MACF1: variants seen among roughly 807,000 people sequenced by gnomAD.
MACF1 encodes the protein microtubule-actin cross-linking factor 1.
Under a neutral mutation model 854.8 loss-of-function variants are expected in MACF1, and 193 were observed. That is an observed-to-expected ratio of 0.23 (90% CI 0.20 to 0.25). MACF1 has a LOEUF of 0.25. MACF1 is among the 10% of genes least tolerant of loss of function. The pLI is 1.00. For synonymous variants in MACF1, 3,185 were observed against 3,226.7 expected (o/e 0.99, Z 0.44); for missense variants, 7,722 against 8,929.1 (o/e 0.86, Z 5.45).
At chr1:39,366,943 CTTTT>C (rs138556133) in intron 49 of MACF1, among the ~76,000 whole-genome samples, 3 of 92,970 alleles carry the variant, frequency 3.2e-5, no homozygotes, top group South Asian at 3.3e-4. Context: ...CATGCCTGGC[CTTTT>C]TTTTTTTTTT....
chr1:39,112,777 A>G lies in MACF1; in HGVS notation c.220+28339A>G, dbSNP rs79895704. Among the ~76,000 whole-genome samples, 780 of 152,280 alleles carry G rather than the reference A, an allele frequency of 5.1e-3. 17 individuals carry two copies. The highest frequency in any genetic ancestry group is 0.046 in the East Asian group (236 of 5,182). ...CTAGAAAAGAATTAGCAGTGTTAGT[A>G]TCTAAACTTAATTCCCTGTACCTGC... On this transcript the variant is annotated intron_variant, in intron 2 of 93. Coordinates refer to the MACF1 transcript ENST00000361689.
intron 30 of MACF1, 133 bp from the exon 31 acceptor site, chr1:39,319,531 G>A: frequency 1.7e-6 from 1 of 598,506 alleles, no homozygotes; most frequent in Non-Finnish European, 2.9e-6. Flanking sequence ...CCAGCAGTAT[G>A]TGTTTTAACC....
At chr1:39,195,371 G>C (rs891954262) in intron 2 of MACF1, among the ~76,000 whole-genome samples, 3 of 152,240 alleles carry the variant, frequency 2.0e-5, no homozygotes, top group African/African-American at 7.2e-5. Flanking sequence ...GCAGTTCTCA[G>C]ATCCTCTCAT....
chr1:39,436,999 A>G (rs1174739116), intron 70 of MACF1, among the ~76,000 whole-genome samples: 5 of 152,322 alleles, frequency 3.3e-5, no homozygotes, highest in South Asian at 4.1e-4. Flanking sequence ...CTTTTAAACT[A>G]CAAGTCGTGT....
Position 39,360,947 on chromosome 1 carries a change from G to A in MACF1, c.12399G>A (p.Lys4133=), listed in dbSNP as rs146610918. 2.3e-3 allele frequency: 3,701 copies of A among 1,614,134 alleles called. 11 individuals carry two copies. Among genetic ancestry groups the A allele is most frequent in the Non-Finnish European group, 2.7e-3 (3,225 of 1,180,024 alleles). ...AAGTTGAACAAAACCTGGAAGGGAA[G>A]CAGGTGTCATCACTCTCATCAGGAG... The part of the protein sequence containing the change: ...IGEVEQNLEG[K]QVSSLSSGVI... Residue 4133 remains lysine (K), a synonymous_variant, in exon 48 of 101, where the codon AAG becomes AAA. Transcript: ENST00000564288.
intron 47 of MACF1, among the ~76,000 whole-genome samples, chr1:39,359,583 A>G (rs903689550): frequency 3.3e-5 from 5 of 152,120 alleles, no homozygotes. Context: ...TTAGCTGATA[A>G]CATTTATTGA....
chr1:39,480,137 A>G, intron 98 of MACF1, 128 bp downstream of exon 98: 16 of 575,574 alleles, frequency 2.8e-5, no homozygotes, highest in Non-Finnish European at 4.0e-5. Flanking sequence ...TTTCTATTTT[A>G]GAAATAAAAC....
chr1:39,397,042 T>G (rs1161995529), intron 58 of MACF1, among the ~76,000 whole-genome samples: 2 of 152,212 alleles, frequency 1.3e-5, no homozygotes, highest in African/African-American at 2.4e-5. Context: ...GGATCTTTGC[T>G]ACACATGGTG....
chr1:39,365,923 A>T (rs1437404558), intron 49 of MACF1, among the ~76,000 whole-genome samples: 12 of 151,908 alleles, frequency 7.9e-5, no homozygotes. Flanking sequence ...TAATCCACCG[A>T]CCTTGGCCTC....
At chr1:39,272,114 C>T (rs1453830809) in intron 6 of MACF1, among the ~76,000 whole-genome samples, 1 of 152,222 alleles carries the variant, frequency 6.6e-6, no homozygotes, top group African/African-American at 2.4e-5. Context: ...GCTCAGACAC[C>T]TGGCATATTT....
chr1:39,391,770 G>A (rs2148576079), intron 58 of MACF1, among the ~76,000 whole-genome samples: 1 of 152,286 alleles, frequency 6.6e-6, no homozygotes, highest in South Asian at 2.1e-4. Context: ...TTCTATCCTA[G>A]TATGTTGCCT....
At position 39,192,112 on chromosome 1, in the gene MACF1, C is replaced by G. The variant is rs916396266; in HGVS notation, c.221-39070C>G. Among the ~76,000 whole-genome samples, 48 of 152,106 alleles carry G rather than the reference C, an allele frequency of 3.2e-4. 1 individual carries two copies. Among genetic ancestry groups the G allele is most frequent in the Admixed American group, 2.8e-3 (43 of 15,258 alleles). On this transcript the variant is annotated intron_variant, in intron 2 of 93. Transcript: ENST00000361689. ...ATTGCAGTGAGCCGATATCTCACCA[C>G]TGCACTCCAGCCTGGGCGACACAGC...
intron 2 of MACF1, among the ~76,000 whole-genome samples, chr1:39,133,031 G>C (rs1643048627): frequency 6.6e-6 from 1 of 152,172 alleles, no homozygotes; most frequent in African/African-American, 2.4e-5. Context: ...CCCTTTTTGT[G>C]CCTAAATCCG....
chr1:39,380,274 C>A lies in MACF1; in HGVS notation c.13549C>A (p.Pro4517Thr). 6.2e-7 allele frequency: 1 copy of A among 1,613,468 alleles called. No individual in the cohort carries two copies. The highest frequency in any genetic ancestry group is 1.1e-5 in the South Asian group (1 of 90,998). Residue 4517 changes from proline to threonine, a missense_variant, in exon 55 of 101, where the codon CCA becomes ACA. Physicochemically the swap from Pro to Thr is conservative, Grantham distance 38 (BLOSUM62 -1). Coordinates refer to ENST00000564288, the MANE Select transcript of MACF1 (RefSeq NM_001394062.1). ...AFLAELEQNS[P>T]KIQKVKEALA... ...CCTGGCTGAGTTGGAACAGAATTCT[C>A]CAAAAATTCAAAAAGTAAAGGAAGC...
intron 23 of MACF1, among the ~76,000 whole-genome samples, chr1:39,304,008 C>A (rs1484287763): frequency 6.6e-6 from 1 of 150,382 alleles, no homozygotes. Context: ...ACGTTGATGC[C>A]ATTTCTTTCT....
chr1:39,469,200 T>G (rs1644728810), intron 96 of MACF1, among the ~76,000 whole-genome samples: 1 of 152,166 alleles, frequency 6.6e-6, no homozygotes, highest in African/African-American at 2.4e-5. Context: ...TGTGAGCCCA[T>G]TCACTTCTAA....
rs754685285 is a variant in MACF1 at position 39,347,113 on chromosome 1, T to TGCA, written c.10720_10722dup (p.Gln3574dup). The TGCA allele has an allele frequency of 6.2e-7, 1 of 1,614,132 alleles. No individual in the cohort carries two copies. The highest frequency in any genetic ancestry group is 1.1e-5 in the South Asian group (1 of 91,070). ...CAGATGCTGAGGCTTCTGAATGAACTGCAGAGGTCCTTCCAGGACATTTTG... is the reference window on the plus strand; with the variant it reads ...CAGATGCTGAGGCTTCTGAATGAACTGCAGCAGAGGTCCTTCCAGGACATTTTG... On this transcript the variant is annotated inframe_insertion, in exon 41 of 101. Coordinates refer to ENST00000564288, the MANE Select transcript of MACF1 (RefSeq NM_001394062.1).
chr1:39,327,541 A>G lies in MACF1; in HGVS notation c.4614+188A>G, dbSNP rs1388875584. On this transcript the variant is annotated intron_variant, in intron 36 of 100. Transcript: ENST00000564288. ...TTCCATGATGTGTTGGTCAGTCAAA[A>G]GCACTAGAAGACACTTACAACTAAC... Among the ~76,000 whole-genome samples, 4 of 152,220 alleles carry G rather than the reference A, an allele frequency of 2.6e-5. No homozygotes were observed. In the South Asian group the frequency reaches 6.2e-4, roughly 24 times the overall value.
chr1:39,425,499 T>C (rs1313979780), intron 61 of MACF1, among the ~76,000 whole-genome samples: 1 of 152,208 alleles, frequency 6.6e-6, no homozygotes, highest in African/African-American at 2.4e-5. Context: ...AAGAAGGTGC[T>C]TAAAATAAAA....
Sources: gnomAD v4.1 joint callset for allele counts (sites outside exome capture counted in the v4.1 genomes callset) on GRCh38, gnomAD v4.1.1 for gene constraint, MANE v1.5 for transcripts, NCBI Gene and HGNC (gene_info 2026-07-23, HGNC 2026-07-21) for gene names.